Variants in RFNG observed in about 807,000 individuals in gnomAD.
RFNG encodes the protein RFNG O-fucosylpeptide 3-beta-N-acetylglucosaminyltransferase.
Under a neutral mutation model 29.6 loss-of-function variants are expected in RFNG, and 37 were observed. The observed-to-expected ratio is 1.25, with a 90% CI of 0.96 to 1.65. The LOEUF (loss-of-function observed/expected upper bound fraction) is 1.65. Ranked by LOEUF, RFNG falls within the 40% of genes most tolerant of loss-of-function variation. RFNG has a pLI of 0.00. For synonymous variants in RFNG, 276 were observed against 197.3 expected (o/e 1.40, Z -3.34); for missense variants, 546 against 457.0 (o/e 1.19, Z -1.78).
At chr17:82,049,342 A>C (rs1053771687) in intron 6 of RFNG, 1 of 699,806 alleles carries the variant, frequency 1.4e-6, no homozygotes, top group Non-Finnish European at 2.6e-6. Context: ...TCCAGGGCAA[A>C]GCTGACCCTC....
At chr17:82,049,163 G>C (rs753876164) in intron 6 of RFNG, 47 bp from the exon 7 acceptor site, 4 of 1,512,966 alleles carry the variant, frequency 2.6e-6, no homozygotes, top group Non-Finnish European at 2.7e-6. Context: ...GTCTGGTCTC[G>C]GGCCACGCCT....
chr17:82,051,461 G>A lies in RFNG; in HGVS notation c.267+39C>T. On this transcript the variant is annotated intron_variant, in intron 1 of 7. Coordinates refer to ENST00000310496, the MANE Select transcript of RFNG (RefSeq NM_002917.2). The surrounding 1 kb of genome is among the most constrained non-coding windows in gnomAD (Gnocchi z 4.1). ...CTAGACCCTGGGAGGCGGGGCGGGT[G>A]GGCGTGGGGCTCGCCGTCGGGGTCG... 1.5e-6 allele frequency: 2 copies of A among 1,342,406 alleles called. No homozygotes were observed. Among genetic ancestry groups the A allele is most frequent in the African/African-American group, 1.5e-5 (1 of 64,918 alleles). The allele number at this position is 1,342,406 out of a possible 1,614,324, so 83.2% of individuals were successfully genotyped here. A position where few individuals can be genotyped will look rare whatever the true frequency, so the allele number is the denominator to read the frequency against.
Position 82,048,826 on chromosome 17 carries a change from G to C in RFNG, c.915-19C>G. The stretch of plus-strand genomic sequence containing the variant: ...CTTAAACCTGGGGAAGGAAGAAGTA[G>C]GGGTCAGGGCCGTGGGCGGAGAGAG... On this transcript the variant is annotated intron_variant, in intron 7 of 7. Transcript: ENST00000310496. The C allele has an allele frequency of 6.2e-7, 1 of 1,604,528 alleles. No individual in the cohort carries two copies. Among genetic ancestry groups the C allele is most frequent in the Non-Finnish European group, 8.5e-7 (1 of 1,172,078 alleles).
intron 6 of RFNG, 180 bp from the exon 7 acceptor site, chr17:82,049,296 C>G (rs958392668): frequency 2.8e-6 from 2 of 707,714 alleles, no homozygotes; most frequent in Non-Finnish European, 5.1e-6. Context: ...ACACCTCAGG[C>G]AGAGCCTGGG....
Position 82,051,483 on chromosome 17 carries a change from G to T in RFNG, c.267+17C>A. 7.3e-7 allele frequency: 1 copy of T among 1,364,720 alleles called. No individual in the cohort carries two copies. Among genetic ancestry groups the T allele is most frequent in the South Asian group, 1.8e-5 (1 of 56,064 alleles). The allele number at this position is 1,364,720 out of a possible 1,614,324, so 84.5% of individuals were successfully genotyped here. A position where few individuals can be genotyped will look rare whatever the true frequency, so the allele number is the denominator to read the frequency against. On this transcript the variant is annotated intron_variant, in intron 1 of 7. Coordinates refer to ENST00000310496, the MANE Select transcript of RFNG (RefSeq NM_002917.2). This position sits in a 1 kb window ranked among gnomAD's most constrained non-coding sequence, Gnocchi z 4.1. ...GGTGGGCGTGGGGCTCGCCGTCGGG[G>T]TCGGGGTCCGGCGCACCTGCTGGCG...
At chr17:82,049,315 G>A (rs569254278) in intron 6 of RFNG, 199 bp from the exon 7 acceptor site, 44 of 702,984 alleles carry the variant, frequency 6.3e-5, no homozygotes, top group East Asian at 2.7e-4. Flanking sequence ...GGGGACAGAA[G>A]ATAGGGATCT....
chr17:82,051,460 TG>T lies in RFNG; in HGVS notation c.267+39del. The T allele has an allele frequency of 7.5e-7, 1 of 1,324,592 alleles. No homozygotes were observed. The allele number at this position is 1,324,592 out of a possible 1,614,324, so 82.1% of individuals were successfully genotyped here. On this transcript the variant is annotated intron_variant, in intron 1 of 7. Transcript: ENST00000310496. The surrounding 1 kb of genome is among the most constrained non-coding windows in gnomAD (Gnocchi z 4.1). The stretch of plus-strand genomic sequence containing the variant: ...CCTAGACCCTGGGAGGCGGGGCGGG[TG>T]GGCGTGGGGCTCGCCGTCGGGGTCG...
chr17:82,050,718 C>T lies in RFNG; in HGVS notation c.363G>A (p.Gln121=). The T allele has an allele frequency of 6.2e-7, 1 of 1,613,276 alleles. No homozygotes were observed. Among genetic ancestry groups the T allele is most frequent in the Non-Finnish European group, 8.5e-7 (1 of 1,179,974 alleles). ...NTNCSAVRTR[Q]ALCCKMSVEY... is the part of the protein sequence containing the mutation. ...CCACGGACATCTTGCAGCAGAGGGC[C>T]TGACGAGTGCGCACCGCCGAGCAGT... The change falls in exon 3 of 8, where the codon CAG becomes CAA. Residue 121 remains glutamine (Q), a synonymous_variant. Transcript: ENST00000310496.
chr17:82,050,875 G>C, intron 2 of RFNG, 111 bp from the exon 3 acceptor site: 1 of 1,419,034 alleles, frequency 7.0e-7, no homozygotes, highest in East Asian at 2.5e-5. Flanking sequence ...TGTCTGACAT[G>C]CCTGGACACC....
rs541076661 is a variant in RFNG at position 82,048,575 on chromosome 17, G to A, written c.*151C>T. 3 of 661,360 alleles carry A rather than the reference G, an allele frequency of 4.5e-6. No homozygotes were observed. The highest frequency in any genetic ancestry group is 5.2e-5 in the East Asian group (2 of 38,224). The allele number at this position is 661,360 out of a possible 1,614,324, so 41.0% of individuals were successfully genotyped here. ...CGCAGCCCACCAGGGGCTGGGAGAG[G>A]GGGGGCTGCAGGCTAGCCAGAGGGT... On this transcript the variant is annotated 3_prime_UTR_variant, in exon 8 of 8. Coordinates refer to ENST00000310496, the MANE Select transcript of RFNG (RefSeq NM_002917.2).
intron 6 of RFNG, 199 bp from the exon 7 acceptor site, chr17:82,049,315 G>C (rs569254278): frequency 1.4e-6 from 1 of 702,984 alleles, no homozygotes; most frequent in Non-Finnish European, 2.6e-6. Flanking sequence ...GGGGACAGAA[G>C]ATAGGGATCT....
In RFNG at chr17:82,051,647, G is replaced by T; in HGVS notation, c.120C>A (p.Ala40=). The change falls in exon 1 of 8, where the codon GCC becomes GCA. Residue 40 remains alanine (A), a synonymous_variant. Coordinates refer to ENST00000310496, the MANE Select transcript of RFNG (RefSeq NM_002917.2). The surrounding 1 kb of genome is among the most constrained non-coding windows in gnomAD (Gnocchi z 4.1). Reference sequence around the variant, plus strand: ...GGGACGGGGGCGCGCGCGGGGCCGGGGCGGGGGTCCGGGCCGGGGCGGGCG... The same window carrying T: ...GGGACGGGGGCGCGCGCGGGGCCGGTGCGGGGGTCCGGGCCGGGGCGGGCG... ...PRAPAPARTP[A]PAPRAPPSRP... The T allele has an allele frequency of 3.8e-6, 4 of 1,064,720 alleles. No individual in the cohort carries two copies. The highest frequency in any genetic ancestry group is 4.5e-6 in the Non-Finnish European group (4 of 881,744). The allele number at this position is 1,064,720 out of a possible 1,614,324, so 66.0% of individuals were successfully genotyped here.
chr17:82,049,497 A>C lies in RFNG; in HGVS notation c.828+180T>G, dbSNP rs372119038. 3.5e-4 allele frequency: 269 copies of C among 762,868 alleles called. 1 individual carries two copies. The African/African-American group carries it at 4.0e-3, about 11-fold the overall frequency. 47.3% of individuals were successfully genotyped at this position (762,868 alleles called of 1,614,324 possible). On this transcript the variant is annotated intron_variant, in intron 6 of 7. Transcript: ENST00000310496. ...TCCTCTGCCCCAGACACCATACCCC[A>C]TCTGTACGTGAGGACCCTGTGTCCA...
Position 82,051,546 on chromosome 17 carries a change from C to A in RFNG, c.221G>T (p.Arg74Leu). Residue 74 changes from arginine (R) to leucine (L), a missense_variant, in exon 1 of 8, where the codon CGC becomes CTC. Transcript: ENST00000310496. The surrounding 1 kb of genome is among the most constrained non-coding windows in gnomAD (Gnocchi z 4.1). ...CCAGGTGCGCAGCAGCAGCCGCAGG[C>A]GCGGCCCGTGGTTCTTCCGGGTGGT... is the stretch of plus-strand genomic sequence containing the variant. ...VKTTRKNHGP[R>L]LRLLLRTWIS... 1 of 1,398,212 alleles carries A rather than the reference C, an allele frequency of 7.2e-7. No individual in the cohort carries two copies. Among genetic ancestry groups the A allele is most frequent in the Non-Finnish European group, 9.3e-7 (1 of 1,071,538 alleles). The allele number at this position is 1,398,212 out of a possible 1,614,324, so 86.6% of individuals were successfully genotyped here.
chr17:82,050,802 G>A (rs2030413172), intron 2 of RFNG, 38 bp from the exon 3 acceptor site: 4 of 1,593,342 alleles, frequency 2.5e-6, no homozygotes, highest in Non-Finnish European at 3.4e-6. Context: ...CGTAGAGGAT[G>A]GCACTGGGGT....
rs139900548 is a variant in RFNG at position 82,050,605 on chromosome 17, G to GA, written c.420-51dup. 963 of 1,608,462 alleles carry GA rather than the reference G, an allele frequency of 6.0e-4. 1 individual carries two copies. The African/African-American group carries it at 0.011, about 18-fold the overall frequency. ...ACGAGGGCCTGGCATGGCTGGACAG[G>GA]AGGCCCCCACCCAGCTTGGCTCTGA... is the stretch of plus-strand genomic sequence containing the variant. On this transcript the variant is annotated intron_variant, in intron 3 of 7. Transcript: ENST00000310496.
chr17:82,050,219 G>T, intron 4 of RFNG, 183 bp downstream of exon 4: 1 of 822,398 alleles, frequency 1.2e-6, no homozygotes, highest in Non-Finnish European at 1.9e-6. Flanking sequence ...CCCCCTCTCT[G>T]CCCAGTACGG....
In RFNG at chr17:82,049,995, G is replaced by C. The variant is rs573505445; in HGVS notation, c.585C>G (p.Val195=). The change falls in exon 5 of 8, where the codon GTC becomes GTG. Residue 195 remains valine, a synonymous_variant. Coordinates refer to ENST00000310496, the MANE Select transcript of RFNG (RefSeq NM_002917.2). The part of the protein sequence containing the change: ...RVQGGRTVTT[V]KFWFATGGAG... ...CCCCACCAGTAGCAAACCAGAACTTGACCGTGGTCACCTGAAGATGGGGTG... is the reference window on the plus strand; with the variant it reads ...CCCCACCAGTAGCAAACCAGAACTTCACCGTGGTCACCTGAAGATGGGGTG... The C allele has an allele frequency of 1.2e-6, 2 of 1,611,098 alleles. No homozygotes were observed. Among genetic ancestry groups the C allele is most frequent in the East Asian group, 4.5e-5 (2 of 44,782 alleles).
chr17:82,048,975 G>A (rs2030092983), intron 7 of RFNG, 56 bp downstream of exon 7: 9 of 1,565,676 alleles, frequency 5.7e-6, no homozygotes, highest in Non-Finnish European at 7.9e-6. Context: ...GGTAGAGGGA[G>A]CTGATGCCAG....
Sources: gnomAD v4.1 joint callset for allele counts on GRCh38, gnomAD v4.1.1 for gene constraint, Gnocchi (gnomAD v3.1) non-coding constraint, MANE v1.5 for transcripts, NCBI Gene and HGNC (gene_info 2026-07-23, HGNC 2026-07-21) for gene names.